Variants in ADAP1 observed in about 807,000 individuals in gnomAD.
ADAP1 encodes the protein arf-GAP with dual PH domain-containing protein 1.
ADAP1 carries 31 observed loss-of-function variants against 54.9 expected under a neutral mutation model. The observed-to-expected ratio is 0.56, with a 90% CI of 0.42 to 0.76. The LOEUF (loss-of-function observed/expected upper bound fraction) is 0.76, where lower values mean the gene tolerates loss of function less well. Ranked by LOEUF, ADAP1 falls within the 30% of genes least tolerant of loss-of-function variation. The probability of loss-of-function intolerance (pLI) is 0.00; values close to 1 mark genes in which losing one functional copy is unlikely to be tolerated. For missense variants in ADAP1, 535 were observed against 512.4 expected, an observed-to-expected ratio of 1.04 and a Z score of -0.42; for synonymous variants, 313 against 202.6, an observed-to-expected ratio of 1.55 and a Z score of -4.63.
In ADAP1 at chr7:920,929, G is replaced by A; in HGVS notation, c.306-879C>T. On this transcript the variant is annotated intron_variant, in intron 3 of 10. Coordinates refer to ENST00000265846, the MANE Select transcript of ADAP1 (RefSeq NM_006869.4). The surrounding 1 kb of genome is among the most constrained non-coding windows in gnomAD (Gnocchi z 4.5). ...ATAGGAACCCTGTGGCTTCCTGCTG[G>A]GCCCACGTGAACAGCCTTGGAGACT... 3 of 1,484,774 alleles carry A rather than the reference G, an allele frequency of 2.0e-6. No homozygotes were observed. The highest frequency in any genetic ancestry group is 2.5e-5 in the East Asian group (1 of 40,558). 92.0% of individuals were successfully genotyped at this position (1,484,774 alleles called of 1,614,324 possible).
chr7:926,043 G>A lies in ADAP1; in HGVS notation c.305+510C>T, dbSNP rs963211596. 6.6e-6 allele frequency among the ~76,000 whole-genome samples: 1 copy of A among 152,098 alleles called. No individual in the cohort carries two copies. Among genetic ancestry groups the A allele is most frequent in the South Asian group, 2.1e-4 (1 of 4,832 alleles). ...TGGGGAGACTGAGGCTTGGAGGGGCGGGTGTTGGTGAAGGCGGCTGATGTG... is the reference window on the plus strand; with the variant it reads ...TGGGGAGACTGAGGCTTGGAGGGGCAGGTGTTGGTGAAGGCGGCTGATGTG... On this transcript the variant is annotated intron_variant, in intron 3 of 10. Coordinates refer to ENST00000265846, the MANE Select transcript of ADAP1 (RefSeq NM_006869.4). This position sits in a 1 kb window ranked among gnomAD's most constrained non-coding sequence, Gnocchi z 4.6.
chr7:915,447 G>A (rs1845895517), intron 4 of ADAP1, among the ~76,000 whole-genome samples: 1 of 152,236 alleles, frequency 6.6e-6, no homozygotes, highest in Non-Finnish European at 1.5e-5. Context: ...CCTGGTATGA[G>A]AAGCGGCCAT....
At position 942,204 on chromosome 7, in the gene ADAP1, GA is replaced by G. The variant is rs1217148119; in HGVS notation, c.83-6700del. Among the ~76,000 whole-genome samples, 71 of 152,260 alleles carry G rather than the reference GA, an allele frequency of 4.7e-4. 1 individual carries two copies. The highest frequency in any genetic ancestry group is 1.7e-3 in the African/African-American group (69 of 41,548). On this transcript the variant is annotated intron_variant, in intron 1 of 10. Transcript: ENST00000265846. ...CATACAATTTTAAAAGAAAACAGGAGAAAAGTCTCCGTAACTTTGGGTTAGG... is the reference window on the plus strand; with the variant it reads ...CATACAATTTTAAAAGAAAACAGGAGAAAGTCTCCGTAACTTTGGGTTAGG...
chr7:908,305 C>A (rs1311520973), intron 4 of ADAP1, among the ~76,000 whole-genome samples: 1 of 152,194 alleles, frequency 6.6e-6, no homozygotes, highest in Admixed American at 6.5e-5. Flanking sequence ...ATCCCGACAC[C>A]AGAGACCAGG....
At position 930,406 on chromosome 7, in the gene ADAP1, G is replaced by A. The variant is rs376981318; in HGVS notation, c.214-3762C>T. Reference sequence around the variant, plus strand: ...GGCAAGAAAACACAGGGCCGGGCGCGGTGGCTCACACCTGTAATCCCAGCA... The same window carrying A: ...GGCAAGAAAACACAGGGCCGGGCGCAGTGGCTCACACCTGTAATCCCAGCA... On this transcript the variant is annotated intron_variant, in intron 2 of 10. Transcript: ENST00000265846. Among the ~76,000 whole-genome samples, 17 of 22,216 alleles carry A rather than the reference G, an allele frequency of 7.7e-4. No individual in the cohort carries two copies. The East Asian group carries it at 0.021, about 27-fold the overall frequency. The allele number at this position is 22,216 out of a possible 152,430, so 14.6% of individuals were successfully genotyped here.
chr7:947,862 C>A (rs1381336802), intron 1 of ADAP1, among the ~76,000 whole-genome samples: 3 of 152,122 alleles, frequency 2.0e-5, no homozygotes, highest in Non-Finnish European at 4.4e-5. Flanking sequence ...ACAGCGTCCC[C>A]CAGCCCTGCG....
intron 1 of ADAP1, among the ~76,000 whole-genome samples, chr7:943,281 G>T (rs1187248145): frequency 2.1e-4 from 5 of 24,138 alleles, no homozygotes; most frequent in African/African-American, 3.5e-4. Flanking sequence ...GGAGAGAGGA[G>T]GAGGAAGGGA....
chr7:945,473 G>A lies in ADAP1; in HGVS notation c.82+8923C>T, dbSNP rs1847114767. ...ACCACTTCTGGGTTCCCAGGACTGT[G>A]GAATTTTGTTCCAAAATGCCTGGAG... On this transcript the variant is annotated intron_variant, in intron 1 of 10. Coordinates refer to ENST00000265846, the MANE Select transcript of ADAP1 (RefSeq NM_006869.4). The surrounding 1 kb of genome is among the most constrained non-coding windows in gnomAD (Gnocchi z 4.2). 6.6e-6 allele frequency among the ~76,000 whole-genome samples: 1 copy of A among 152,236 alleles called. No homozygotes were observed. The highest frequency in any genetic ancestry group is 2.4e-5 in the African/African-American group (1 of 41,460).
intron 4 of ADAP1, among the ~76,000 whole-genome samples, chr7:914,581 C>CG (rs978726340): frequency 3.3e-5 from 5 of 152,214 alleles, no homozygotes; most frequent in South Asian, 2.1e-4. Context: ...TGGGGAGGCT[C>CG]GGGGGGTCCC....
chr7:936,029 G>C (rs912246470), intron 1 of ADAP1, among the ~76,000 whole-genome samples: 7 of 152,242 alleles, frequency 4.6e-5, no homozygotes, highest in Non-Finnish European at 1.0e-4. Context: ...CGCACCCTGC[G>C]TGGGGTGACA....
intron 4 of ADAP1, among the ~76,000 whole-genome samples, chr7:906,868 C>T (rs955921205): frequency 1.6e-5 from 2 of 123,000 alleles, no homozygotes; most frequent in African/African-American, 6.0e-5. Flanking sequence ...AGTGGACCAG[C>T]GCTGTTGGCT....
At chr7:916,843 C>G (rs1029381108) in intron 4 of ADAP1, among the ~76,000 whole-genome samples, 1 of 151,864 alleles carries the variant, frequency 6.6e-6, no homozygotes, top group East Asian at 1.9e-4. Context: ...GTGCCTTGCT[C>G]AGGCCTGGGG....
In ADAP1 at chr7:905,371, GGAAAGGAGAAAGGA is replaced by G. The variant is rs1554271723; in HGVS notation, c.389-213_389-200del. 172 of 60,644 alleles carry G rather than the reference GGAAAGGAGAAAGGA, an allele frequency of 2.8e-3. 12 individuals carry two copies. Among genetic ancestry groups the G allele is most frequent in the South Asian group, 4.1e-3 (29 of 7,104 alleles). The allele number at this position is 60,644 out of a possible 1,614,324, so 3.8% of individuals were successfully genotyped here. The stretch of plus-strand genomic sequence containing the variant: ...GGAAGATGGGCAGGGAAAGGGAAAG[GGAAAGGAGAAAGGA>G]GAAAGGAGAAAGGAGAAAGGAGAAA... On this transcript the variant is annotated intron_variant, in intron 4 of 10. Coordinates refer to ENST00000265846, the MANE Select transcript of ADAP1 (RefSeq NM_006869.4).
chr7:899,028 C>A lies in ADAP1; in HGVS notation c.1096+5G>T. On this transcript the variant is annotated splice_donor_5th_base_variant and intron_variant, in intron 10 of 10. Transcript: ENST00000265846. ...TCCAGGCCGCCGGCCGCCCGCCCCC[C>A]TCACCTGCGTACTCCTGGGGCAGCA... 6.2e-7 allele frequency: 1 copy of A among 1,609,840 alleles called. No homozygotes were observed. Among genetic ancestry groups the A allele is most frequent in the Non-Finnish European group, 8.5e-7 (1 of 1,179,778 alleles).
At chr7:900,781 G>T (rs1281878341) in intron 6 of ADAP1, 165 bp from the exon 7 acceptor site, 4 of 670,706 alleles carry the variant, frequency 6.0e-6, no homozygotes, top group African/African-American at 1.8e-5. Context: ...CCTGGCCCCT[G>T]TGCCCACGCT....
intron 6 of ADAP1, chr7:901,135 GC>G: frequency 2.4e-6 from 1 of 425,032 alleles, no homozygotes. Context: ...CCAGGGAGCC[GC>G]CCTGGTCCTC....
chr7:926,475 C>T lies in ADAP1; in HGVS notation c.305+78G>A. 7.6e-7 allele frequency: 1 copy of T among 1,320,602 alleles called. No homozygotes were observed. Among genetic ancestry groups the T allele is most frequent in the Non-Finnish European group, 1.0e-6 (1 of 985,344 alleles). 81.8% of individuals were successfully genotyped at this position (1,320,602 alleles called of 1,614,324 possible). On this transcript the variant is annotated intron_variant, in intron 3 of 10. Coordinates refer to ENST00000265846, the MANE Select transcript of ADAP1 (RefSeq NM_006869.4). This position sits in a 1 kb window ranked among gnomAD's most constrained non-coding sequence, Gnocchi z 4.6. ...CTGTGGGCGGCACCCAACTCCCCAC[C>T]CTGCCGGGTCCTCCCGGGGCCATCT...
intron 2 of ADAP1, among the ~76,000 whole-genome samples, chr7:933,246 G>C (rs1307764790): frequency 2.0e-5 from 3 of 151,818 alleles, no homozygotes; most frequent in Non-Finnish European, 2.9e-5. Flanking sequence ...ACTCCAGCCT[G>C]GGCGACGAAG....
Position 926,472 on chromosome 7 carries a change from C to A in ADAP1, c.305+81G>T. The stretch of plus-strand genomic sequence containing the variant: ...ACCCTGTGGGCGGCACCCAACTCCC[C>A]ACCCTGCCGGGTCCTCCCGGGGCCA... On this transcript the variant is annotated intron_variant, in intron 3 of 10. Coordinates refer to ENST00000265846, the MANE Select transcript of ADAP1 (RefSeq NM_006869.4). The surrounding 1 kb of genome is among the most constrained non-coding windows in gnomAD (Gnocchi z 4.6). The A allele has an allele frequency of 7.8e-7, 1 of 1,289,878 alleles. No individual in the cohort carries two copies. 79.9% of individuals were successfully genotyped at this position (1,289,878 alleles called of 1,614,324 possible).
Sources: allele counts gnomAD v4.1 joint callset (sites outside exome capture counted in the v4.1 genomes callset), GRCh38; gene constraint gnomAD v4.1.1; non-coding constraint Gnocchi (gnomAD v3.1); transcripts MANE v1.5; gene names NCBI Gene and HGNC (gene_info 2026-07-23, HGNC 2026-07-21).